Variants in ENTPD5 observed in about 807,000 individuals in gnomAD.
ENTPD5 encodes the protein nucleoside diphosphate phosphatase ENTPD5.
A neutral mutation model predicts 60.2 loss-of-function variants in ENTPD5; 49 were observed. That is an observed-to-expected ratio of 0.81 (90% CI 0.65 to 1.03). The LOEUF is 1.03. ENTPD5 is among the 50% of genes least tolerant of loss of function. The probability of loss-of-function intolerance (pLI) is 0.00; values close to 1 mark genes in which losing one functional copy is unlikely to be tolerated. For synonymous variants in ENTPD5, 187 were observed against 185.4 expected (o/e 1.01, Z -0.07); for missense variants, 480 against 507.6 (o/e 0.95, Z 0.52).
At chr14:73,992,859 C>T (rs2058193665) in intron 3 of ENTPD5, among the ~76,000 whole-genome samples, 1 of 150,906 alleles carries the variant, frequency 6.6e-6, no homozygotes, top group South Asian at 2.1e-4. Context: ...AAAAATTAGC[C>T]GGGCATGGTG....
At chr14:73,961,510 G>A, downstream of ENTPD5, 1 of 1,614,166 alleles carries the variant, frequency 6.2e-7, no homozygotes, top group Non-Finnish European at 8.5e-7. Flanking sequence ...CATGGGCTTT[G>A]GGGATATCTC....
chr14:73,979,662 G>A (rs1465762936), intron 6 of ENTPD5, among the ~76,000 whole-genome samples: 1 of 151,866 alleles, frequency 6.6e-6, no homozygotes, highest in Non-Finnish European at 1.5e-5. Flanking sequence ...TAGTAGAGAC[G>A]GGGTTTCACC....
intron 3 of ENTPD5, among the ~76,000 whole-genome samples, chr14:74,006,160 G>A (rs1393186174): frequency 6.6e-6 from 1 of 151,474 alleles, no homozygotes; most frequent in Non-Finnish European, 1.5e-5. Flanking sequence ...AGCAAATTTT[G>A]TATTTTTAGT....
chr14:73,971,992 C>T, intron 13 of ENTPD5, 84 bp from the exon 14 acceptor site: 3 of 831,604 alleles, frequency 3.6e-6, no homozygotes, highest in Non-Finnish European at 6.3e-6. Context: ...ATTATATACA[C>T]ATGTACATAA....
downstream of ENTPD5, chr14:73,962,894 G>A (rs139750956): frequency 8.0e-4 from 983 of 1,228,526 alleles, 9 homozygotes; most frequent in African/African-American, 0.013. Flanking sequence ...GAATACCTAC[G>A]TGATTATTAT....
intron 4 of ENTPD5, 28 bp downstream of exon 4, chr14:73,987,858 C>A: frequency 6.2e-7 from 1 of 1,609,138 alleles, no homozygotes; most frequent in Non-Finnish European, 8.5e-7. Flanking sequence ...GATTTACAGA[C>A]TCTACTAAGG....
Position 73,976,405 on chromosome 14 carries a change from C to T in ENTPD5, c.561G>A (p.Leu187=), listed in dbSNP as rs1369406508. ...CCACAGTCTCCTGTCTGTGGCCATGCAGCTGACCTGTCAAATGAGAGCCAG... is the reference window on the plus strand; with the variant it reads ...CCACAGTCTCCTGTCTGTGGCCATGTAGCTGACCTGTCAAATGAGAGCCAG... ...WVTVNFLTGQ[L]HGHRQETVGT... The change falls in exon 9 of 16, where the codon CTG becomes CTA. Residue 187 remains leucine (L), a synonymous_variant. Coordinates refer to ENST00000334696, the MANE Select transcript of ENTPD5 (RefSeq NM_001249.5). 1.2e-6 allele frequency: 2 copies of T among 1,614,038 alleles called. No homozygotes were observed. Among genetic ancestry groups the T allele is most frequent in the Non-Finnish European group, 1.7e-6 (2 of 1,179,892 alleles).
intron 3 of ENTPD5, among the ~76,000 whole-genome samples, chr14:74,005,364 C>CAAAAAAAAAAAAAAAAAAA (rs35560902): frequency 9.4e-5 from 11 of 117,058 alleles, no homozygotes; most frequent in East Asian, 6.7e-4. Context: ...GACTCGGTCT[C>CAAAAAAAAAAAAAAAAAAA]AAAAAAAAAG....
At position 74,007,070 on chromosome 14, in the gene ENTPD5, C is replaced by A. The variant is rs531339080; in HGVS notation, c.-71+4021G>T. Among the ~76,000 whole-genome samples the A allele has an allele frequency of 2.0e-5, 3 of 152,122 alleles. No homozygotes were observed. In the South Asian group the frequency reaches 6.2e-4, roughly 32 times the overall value. On this transcript the variant is annotated intron_variant, in intron 3 of 15. Transcript: ENST00000334696. The stretch of plus-strand genomic sequence containing the variant: ...CAGAATAGAAACTTTATGCTACATA[C>A]AGAAAAAAACTTCCAATCATATCAG...
chr14:73,973,821 T>C, intron 12 of ENTPD5, 56 bp downstream of exon 12: 1 of 1,511,434 alleles, frequency 6.6e-7, no homozygotes, highest in Non-Finnish European at 9.2e-7. Flanking sequence ...CCCATGGGAC[T>C]TTTCCAGAGC....
intron 4 of ENTPD5, 115 bp downstream of exon 4, chr14:73,987,771 C>G: frequency 1.2e-6 from 1 of 830,504 alleles, no homozygotes; most frequent in Non-Finnish European, 1.9e-6. Context: ...AGAAAGACAT[C>G]CACTAGGTGT....
At chr14:74,005,990 C>T (rs1430014639) in intron 3 of ENTPD5, among the ~76,000 whole-genome samples, 1 of 151,852 alleles carries the variant, frequency 6.6e-6, no homozygotes, top group East Asian at 1.9e-4. Flanking sequence ...AATTTAAATA[C>T]CTTTTTGTTT....
chr14:74,013,851 AT>A (rs1412987914), intron 2 of ENTPD5, among the ~76,000 whole-genome samples: 1 of 152,230 alleles, frequency 6.6e-6, no homozygotes, highest in East Asian at 1.9e-4. Flanking sequence ...ATGAATGAAC[AT>A]TTGACAGATC....
chr14:74,016,903 T>C (rs908154471), intron 1 of ENTPD5, among the ~76,000 whole-genome samples: 2 of 152,216 alleles, frequency 1.3e-5, no homozygotes, highest in African/African-American at 4.8e-5. Flanking sequence ...TTTCAGAACC[T>C]TACACATACA....
Position 73,983,053 on chromosome 14 carries a change from G to A in ENTPD5, c.406C>T (p.Leu136=). ...VLKATAGLRL[L]PEHKAKALLF... Reference sequence around the variant, plus strand: ...AGAGCCTTGGCTTTGTGTTCTGGCAGTAAGCGTAGTCCTGCTGTTGCCTTT... The same window carrying A: ...AGAGCCTTGGCTTTGTGTTCTGGCAATAAGCGTAGTCCTGCTGTTGCCTTT... The change falls in exon 6 of 16, where the codon CTG becomes TTG. Residue 136 remains leucine (L), a synonymous_variant. Coordinates refer to ENST00000334696, the MANE Select transcript of ENTPD5 (RefSeq NM_001249.5). 6.2e-7 allele frequency: 1 copy of A among 1,614,150 alleles called. No homozygotes were observed. The highest frequency in any genetic ancestry group is 1.1e-5 in the South Asian group (1 of 91,064).
chr14:74,003,778 C>CA lies in ENTPD5; in HGVS notation c.-71+7312dup, dbSNP rs201327942. ...TCTTCTGCTGTCTTAGCTGAAGAATCAAAAAAAAAGAAAAAGAAAAAAAGA... is the reference window on the plus strand; with the variant it reads ...TCTTCTGCTGTCTTAGCTGAAGAATCAAAAAAAAAAGAAAAAGAAAAAAAGA... On this transcript the variant is annotated intron_variant, in intron 3 of 15. Coordinates refer to ENST00000334696, the MANE Select transcript of ENTPD5 (RefSeq NM_001249.5). Among the ~76,000 whole-genome samples, 628 of 144,476 alleles carry CA rather than the reference C, an allele frequency of 4.3e-3. 2 individuals are homozygous for CA. Among genetic ancestry groups the CA allele is most frequent in the Non-Finnish European group, 7.5e-3 (493 of 66,154 alleles). The allele number at this position is 144,476 out of a possible 152,430, so 94.8% of individuals were successfully genotyped here.
rs1287051039 is a variant in ENTPD5, at chr14:73,964,075, G to A, written c.*2853C>T. 1 of 152,164 alleles carries A rather than the reference G, an allele frequency of 6.6e-6. No individual in the cohort carries two copies. The highest frequency in any genetic ancestry group is 6.5e-5 in the Admixed American group (1 of 15,270). The allele number at this position is 152,164 out of a possible 1,614,324, so 9.4% of individuals were successfully genotyped here. On this transcript the variant is annotated 3_prime_UTR_variant, in exon 16 of 16. Coordinates refer to ENST00000334696, the MANE Select transcript of ENTPD5 (RefSeq NM_001249.5). ...TCCTGGCGGAGACTGCAGGGACAAG[G>A]TCATCTTTCACAAAAAATGGAAAGG...
At chr14:74,012,714 T>C (rs1169308540) in intron 2 of ENTPD5, among the ~76,000 whole-genome samples, 1 of 148,894 alleles carries the variant, frequency 6.7e-6, no homozygotes, top group Non-Finnish European at 1.5e-5. Flanking sequence ...ACTGCTACCA[T>C]AATGGAATGT....
At position 73,988,172 on chromosome 14, in the gene ENTPD5, G is replaced by T; in HGVS notation, c.-70C>A. ...CAATCCTGCTCGCACACCTGCAGAGGCTTATAGGACAAAGACACACAAGTT... is the reference window on the plus strand; with the variant it reads ...CAATCCTGCTCGCACACCTGCAGAGTCTTATAGGACAAAGACACACAAGTT... On this transcript the variant is annotated splice_region_variant and 5_prime_UTR_variant, in exon 4 of 16. Coordinates refer to ENST00000334696, the MANE Select transcript of ENTPD5 (RefSeq NM_001249.5). The T allele has an allele frequency of 6.6e-7, 1 of 1,522,992 alleles. No homozygotes were observed. The highest frequency in any genetic ancestry group is 8.8e-7 in the Non-Finnish European group (1 of 1,133,946). The allele number at this position is 1,522,992 out of a possible 1,614,324, so 94.3% of individuals were successfully genotyped here. A position where few individuals can be genotyped will look rare whatever the true frequency, so the allele number is the denominator to read the frequency against.
Sources: allele counts gnomAD v4.1 joint callset (sites outside exome capture counted in the v4.1 genomes callset), GRCh38; gene constraint gnomAD v4.1.1; transcripts MANE v1.5; gene names NCBI Gene and HGNC (gene_info 2026-07-23, HGNC 2026-07-21).